The following PCNT variants were observed in gnomAD, a reference collection of about 807,000 sequenced individuals.
PCNT encodes the protein kendrin.
Under a neutral mutation model 380.4 loss-of-function variants are expected in PCNT, and 319 were observed. The observed-to-expected ratio is 0.84, with a 90% CI of 0.77 to 0.92. The LOEUF (loss-of-function observed/expected upper bound fraction) is 0.92, where lower values mean the gene tolerates loss of function less well. Among genes scored for constraint, PCNT ranks in the 40% least tolerant of loss-of-function variants. The pLI is 0.00. For missense variants in PCNT, 4,400 were observed against 4,255.3 expected, an observed-to-expected ratio of 1.03 and a Z score of -0.95; for synonymous variants, 1,845 against 1,735.2, an observed-to-expected ratio of 1.06 and a Z score of -1.57.
At chr21:46,415,063 C>T (rs1021460184) in intron 29 of PCNT, among the ~76,000 whole-genome samples, 1 of 152,254 alleles carries the variant, frequency 6.6e-6, no homozygotes, top group Non-Finnish European at 1.5e-5. Flanking sequence ...TGGGCTCACC[C>T]GAGCCCCTCG....
At chr21:46,384,442 ATGGAAG>A (rs2085745888) in intron 16 of PCNT, among the ~76,000 whole-genome samples, 2 of 102,310 alleles carry the variant, frequency 2.0e-5, no homozygotes, top group Non-Finnish European at 4.0e-5. Flanking sequence ...ATATTCAGTG[ATGGAAG>A]CGCATTCACG....
intron 6 of PCNT, chr21:46,348,230 A>G (rs1260881937): frequency 1.2e-5 from 2 of 163,768 alleles, no homozygotes. Flanking sequence ...TGTATTACTA[A>G]CGCTTTGAGG....
intron 1 of PCNT, among the ~76,000 whole-genome samples, chr21:46,325,723 A>T (rs2083371134): frequency 6.6e-6 from 1 of 152,160 alleles, no homozygotes; most frequent in Admixed American, 6.5e-5. Flanking sequence ...CCTCTTGAGT[A>T]AGACGTTAGC....
intron 3 of PCNT, among the ~76,000 whole-genome samples, chr21:46,341,768 C>T (rs2083915746): frequency 6.6e-6 from 1 of 152,026 alleles, no homozygotes; most frequent in Non-Finnish European, 1.5e-5. Flanking sequence ...GCACTCTCCA[C>T]CCCTGGGCTC....
Position 46,381,206 on chromosome 21 carries a change from G to C in PCNT, c.3166-488G>C, listed in dbSNP as rs1435021127. 1.8e-3 allele frequency among the ~76,000 whole-genome samples: 78 copies of C among 42,954 alleles called. 6 individuals carry two copies. In the African/African-American group the frequency reaches 0.02, roughly 11 times the overall value. 28.2% of individuals were successfully genotyped at this position (42,954 alleles called of 152,430 possible). ...AAAAAAAAAAAATCTCTGTGTGTGT[G>C]TGTGTGTGTGTGTGTGTGTGTGTGT... On this transcript the variant is annotated intron_variant, in intron 15 of 46. Coordinates refer to ENST00000359568, the MANE Select transcript of PCNT (RefSeq NM_006031.6).
chr21:46,328,808 CTG>C (rs1460171869), intron 2 of PCNT, among the ~76,000 whole-genome samples: 2 of 151,208 alleles, frequency 1.3e-5, no homozygotes, highest in African/African-American at 4.9e-5. Context: ...AAGTCTCACT[CTG>C]TCATCCAGGC....
At chr21:46,334,848 G>T (rs1240319267) in intron 3 of PCNT, 80 bp downstream of exon 3, 1 of 1,603,932 alleles carries the variant, frequency 6.2e-7, no homozygotes, top group Non-Finnish European at 8.5e-7. Context: ...CCAGTGAGAG[G>T]ACCTTCCATC....
chr21:46,381,398 G>T (rs1466738146), intron 15 of PCNT, among the ~76,000 whole-genome samples: 9 of 152,108 alleles, frequency 5.9e-5, no homozygotes. Context: ...GACTCTTAAA[G>T]ATGTTACAGG....
At chr21:46,376,994 C>T (rs2147081560) in intron 15 of PCNT, among the ~76,000 whole-genome samples, 1 of 152,332 alleles carries the variant, frequency 6.6e-6, no homozygotes, top group Admixed American at 6.5e-5. Flanking sequence ...GACTAAGATG[C>T]AGATGCACAG....
At chr21:46,405,543 C>A (rs769740753) in intron 27 of PCNT, among the ~76,000 whole-genome samples, 1 of 152,162 alleles carries the variant, frequency 6.6e-6, no homozygotes, top group Non-Finnish European at 1.5e-5. Context: ...ACTAAAAACA[C>A]AAAAGTTAGC....
intron 37 of PCNT, chr21:46,431,194 G>C: frequency 8.2e-7 from 1 of 1,225,828 alleles, no homozygotes; most frequent in Non-Finnish European, 1.0e-6. Context: ...GTGATTTTCT[G>C]AAGAGGGGGC....
chr21:46,325,290 C>T (rs1601729219), intron 1 of PCNT: 1 of 814,256 alleles, frequency 1.2e-6, no homozygotes, highest in African/African-American at 1.9e-5. Flanking sequence ...GGACAGGGGA[C>T]GCGGGGCTAG....
chr21:46,359,491 G>GTTTTTTTTTTGTTTT (rs2084619006), intron 13 of PCNT, among the ~76,000 whole-genome samples: 2 of 66,048 alleles, frequency 3.0e-5, no homozygotes, highest in Non-Finnish European at 6.4e-5. Context: ...TTTTTTTTTT[G>GTTTTTTTTTTGTTTT]TTTTTTTTTT....
intron 46 of PCNT, 89 bp downstream of exon 46, chr21:46,444,910 G>A: frequency 7.9e-7 from 1 of 1,258,592 alleles, no homozygotes; most frequent in Non-Finnish European, 1.2e-6. Context: ...CTGGTATTCA[G>A]CTTAGTAACC....
chr21:46,385,165 G>A (rs779972894), intron 16 of PCNT, among the ~76,000 whole-genome samples: 4 of 152,256 alleles, frequency 2.6e-5, no homozygotes, highest in Admixed American at 6.5e-5. Flanking sequence ...TACCAGCCTG[G>A]GCAACATAGG....
chr21:46,432,527 C>G lies in PCNT; in HGVS notation c.8751+312C>G, dbSNP rs553400562. The stretch of plus-strand genomic sequence containing the variant: ...CTGCAGAACCTGCCACTGGGATTTT[C>G]TTAGGGATGGCATTAAATGTGCTGA... On this transcript the variant is annotated intron_variant, in intron 38 of 46. Transcript: ENST00000359568. Among the ~76,000 whole-genome samples the G allele has an allele frequency of 2.0e-5, 3 of 152,332 alleles. No individual in the cohort carries two copies. In the East Asian group the frequency reaches 5.8e-4, roughly 29 times the overall value.
intron 27 of PCNT, among the ~76,000 whole-genome samples, chr21:46,403,281 C>G (rs2086493931): frequency 7.3e-6 from 1 of 136,758 alleles, no homozygotes; most frequent in Non-Finnish European, 1.6e-5. Flanking sequence ...GTGTGTGGTG[C>G]CCACGCAGCG....
chr21:46,356,922 C>G, intron 12 of PCNT, 52 bp from the exon 13 acceptor site: 1 of 1,520,494 alleles, frequency 6.6e-7, no homozygotes, highest in Non-Finnish European at 9.1e-7. Context: ...CTGTGGGCTC[C>G]ATCGAGGGCC....
intron 38 of PCNT, among the ~76,000 whole-genome samples, chr21:46,434,704 C>G (rs1462914240): frequency 6.6e-6 from 1 of 152,364 alleles, no homozygotes; most frequent in Admixed American, 6.5e-5. Flanking sequence ...AAGGCTGCTG[C>G]TCCTTGAGGT....
Sources: gnomAD v4.1 joint callset for allele counts (sites outside exome capture counted in the v4.1 genomes callset) on GRCh38, gnomAD v4.1.1 for gene constraint, MANE v1.5 for transcripts, NCBI Gene and HGNC (gene_info 2026-07-23, HGNC 2026-07-21) for gene names.